PFKFB3: variants seen among roughly 807,000 people sequenced by gnomAD.
The protein encoded by PFKFB3 is 6-phosphofructo-2-kinase/fructose-2,6-bisphosphatase 3.
A neutral mutation model predicts 68.0 loss-of-function variants in PFKFB3; 33 were observed. The observed-to-expected ratio is 0.49, with a 90% CI of 0.37 to 0.65. The LOEUF (loss-of-function observed/expected upper bound fraction) is 0.65. PFKFB3 is among the 30% of genes least tolerant of loss of function. The pLI is 0.00. For missense variants in PFKFB3, 586 were observed against 712.2 expected (o/e 0.82, Z 2.02); for synonymous variants, 315 against 288.2 (o/e 1.09, Z -0.94).
chr10:6,183,567 T>C (rs1015350189), intron 1 of PFKFB3, among the ~76,000 whole-genome samples: 1 of 138,616 alleles, frequency 7.2e-6, no homozygotes, highest in Non-Finnish European at 1.5e-5. Flanking sequence ...GGCAGGTGAA[T>C]CACCTGAGGT....
chr10:6,233,772 G>A lies in PFKFB3; in HGVS notation c.*830G>A, dbSNP rs1360681664. On this transcript the variant is annotated 3_prime_UTR_variant, in exon 15 of 15. Transcript: ENST00000379775. ...TTTGCACTTTTTTGATGGCAGAAGT[G>A]TGACCTGAGAGTCCCACCTTCTCTT... 2 of 152,898 alleles carry A rather than the reference G, an allele frequency of 1.3e-5. No homozygotes were observed. The highest frequency in any genetic ancestry group is 4.8e-5 in the African/African-American group (2 of 41,484). 9.5% of individuals were successfully genotyped at this position (152,898 alleles called of 1,614,324 possible).
Position 6,174,258 on chromosome 10 carries a change from C to A in PFKFB3, c.16+29245C>A, listed in dbSNP as rs185373838. ...TCTGCTGGTTCCTTCATGCCAATGA[C>A]CCAGGCCTGTTTACCAGGAGAAGCA... On this transcript the variant is annotated intron_variant, in intron 1 of 14. Coordinates refer to the PFKFB3 transcript ENST00000379789. Among the ~76,000 whole-genome samples, 65 of 152,314 alleles carry A rather than the reference C, an allele frequency of 4.3e-4. No homozygotes were observed. In the East Asian group the frequency reaches 4.8e-3, roughly 11 times the overall value.
At chr10:6,240,511 G>A (rs1336433691), downstream of PFKFB3, among the ~76,000 whole-genome samples, 4 of 152,106 alleles carry the variant, frequency 2.6e-5, no homozygotes, top group Non-Finnish European at 4.4e-5. Context: ...TGATCCGCCC[G>A]CCTCAGCCTC....
At chr10:6,202,042 T>G (rs1843379808), upstream of PFKFB3, among the ~76,000 whole-genome samples, 1 of 152,226 alleles carries the variant, frequency 6.6e-6, no homozygotes, top group Admixed American at 6.5e-5. Flanking sequence ...CCAATAGTTT[T>G]CCCTCGACTT....
At chr10:6,183,615 A>AAT (rs1491012431) in intron 1 of PFKFB3, among the ~76,000 whole-genome samples, 2 of 86,776 alleles carry the variant, frequency 2.3e-5, no homozygotes, top group Non-Finnish European at 5.1e-5. Context: ...AAAAAAAAAA[A>AAT]TATATATATA....
At chr10:6,173,431 A>G (rs981194258) in intron 1 of PFKFB3, among the ~76,000 whole-genome samples, 3 of 152,174 alleles carry the variant, frequency 2.0e-5, no homozygotes, top group Non-Finnish European at 4.4e-5. Context: ...GCTTCCTGTG[A>G]AGGAGTTGAG....
chr10:6,226,091 G>C, intron 13 of PFKFB3, 101 bp from the exon 14 acceptor site: 1 of 1,065,094 alleles, frequency 9.4e-7, no homozygotes, highest in Non-Finnish European at 1.4e-6. Flanking sequence ...CAGTCTTTTT[G>C]CCTCTCTAAA....
downstream of PFKFB3, among the ~76,000 whole-genome samples, chr10:6,239,173 G>A (rs957438895): frequency 2.0e-5 from 3 of 152,172 alleles, no homozygotes; most frequent in Admixed American, 2.0e-4. Flanking sequence ...AATGAAACAC[G>A]CCTGACAGTT....
the PFKFB3 span, among the ~76,000 whole-genome samples, chr10:6,312,682 A>T: frequency 1.4e-3 from 216 of 152,320 alleles, no homozygotes; most frequent in African/African-American, 4.8e-3. Flanking sequence ...AAGGTTTCAC[A>T]TTAGCAGATT....
rs115618537 is a variant in PFKFB3, at chr10:6,243,874, G to A, written c.1516-10304G>A. Among the ~76,000 whole-genome samples the A allele has an allele frequency of 6.6e-3, 999 of 152,070 alleles. 6 individuals carry two copies. The highest frequency in any genetic ancestry group is 0.022 in the African/African-American group (904 of 41,466). On this transcript the variant is annotated intron_variant, in intron 14 of 14. Transcript: ENST00000640683. ...AAATAGCTGGGATTACTTAGTGTGCGCCATCATGCCCAGCTAATGTTTTTA... is the reference window on the plus strand; with the variant it reads ...AAATAGCTGGGATTACTTAGTGTGCACCATCATGCCCAGCTAATGTTTTTA...
At chr10:6,321,735 T>C in the PFKFB3 span, among the ~76,000 whole-genome samples, 3 of 152,254 alleles carry the variant, frequency 2.0e-5, no homozygotes, top group African/African-American at 4.8e-5. Context: ...TGCTGAATAC[T>C]GTTTGAGAAG....
At chr10:6,183,170 G>A (rs146496951) in intron 1 of PFKFB3, among the ~76,000 whole-genome samples, 1 of 152,188 alleles carries the variant, frequency 6.6e-6, no homozygotes, top group Non-Finnish European at 1.5e-5. Flanking sequence ...TCTTTCAGAA[G>A]ATCACCCAGT....
chr10:6,193,172 C>G (rs771985413), intron 1 of PFKFB3, among the ~76,000 whole-genome samples: 2 of 152,136 alleles, frequency 1.3e-5, no homozygotes, highest in African/African-American at 2.4e-5. Context: ...TAATGAGACC[C>G]CCTGTCTCTA....
At chr10:6,242,606 G>A (rs1418200188) in intron 14 of PFKFB3, among the ~76,000 whole-genome samples, 1 of 138,128 alleles carries the variant, frequency 7.2e-6, no homozygotes, top group Non-Finnish European at 1.5e-5. Flanking sequence ...TTTTTTTTTT[G>A]AGACGGAGTC....
At chr10:6,325,218 C>T in the PFKFB3 span, among the ~76,000 whole-genome samples, 3 of 152,182 alleles carry the variant, frequency 2.0e-5, no homozygotes, top group Non-Finnish European at 4.4e-5. Flanking sequence ...TCTCCCTTGG[C>T]CTCCCAAAGT....
chr10:6,248,628 C>CA (rs1215741346), intron 14 of PFKFB3, among the ~76,000 whole-genome samples: 40 of 71,858 alleles, frequency 5.6e-4, no homozygotes, highest in African/African-American at 2.0e-3. Context: ...GACTCCATCT[C>CA]AAAAAAAAAA....
the PFKFB3 span, among the ~76,000 whole-genome samples, chr10:6,325,879 A>G: frequency 3.3e-5 from 5 of 152,190 alleles, no homozygotes; most frequent in African/African-American, 1.2e-4. Flanking sequence ...GGAAATAGCA[A>G]TGTGTCTGTA....
At chr10:6,237,837 A>AT (rs1846051495), downstream of PFKFB3, among the ~76,000 whole-genome samples, 1 of 152,088 alleles carries the variant, frequency 6.6e-6, no homozygotes, top group South Asian at 2.1e-4. Context: ...AAGTGCTGGG[A>AT]TTACAGACGT....
chr10:6,167,381 G>A (rs1181536172), intron 1 of PFKFB3, among the ~76,000 whole-genome samples: 1 of 152,218 alleles, frequency 6.6e-6, no homozygotes, highest in East Asian at 1.9e-4. Flanking sequence ...GCATAACGGG[G>A]TAACCCTTTC....
Sources: allele counts gnomAD v4.1 joint callset (sites outside exome capture counted in the v4.1 genomes callset), GRCh38; gene constraint gnomAD v4.1.1; transcripts MANE v1.5; gene names NCBI Gene and HGNC (gene_info 2026-07-23, HGNC 2026-07-21).